The following XIRP2 variants were observed in gnomAD, a reference collection of about 807,000 sequenced individuals.
XIRP2 encodes xin actin binding repeat containing 2.
XIRP2 carries 236 observed loss-of-function variants against 277.0 expected under a neutral mutation model. That is an observed-to-expected ratio of 0.85 (90% CI 0.77 to 0.95). The LOEUF is 0.95. Among genes scored for constraint, XIRP2 ranks in the 40% least tolerant of loss-of-function variants. The pLI is 0.00. For missense variants in XIRP2, 4,640 were observed against 4,157.5 expected (o/e 1.12, Z -3.19); for synonymous variants, 1,490 against 1,416.5 (o/e 1.05, Z -1.17).
rs377138733 is a variant in XIRP2, at chr2:167,244,035, A to G, written c.2643A>G (p.Thr881=). ...AAACTACTAAGCATCTATTTGAAAC[A>G]CTTCCAATTGAAGCATTAAAAGACA... ...DVQTTKHLFE[T]LPIEALKDSP... is the part of the protein sequence containing the mutation. The change falls in exon 9 of 11, where the codon ACA becomes ACG. Residue 881 remains threonine, a synonymous_variant. Transcript: ENST00000409195. The G allele has an allele frequency of 2.2e-5, 35 of 1,613,848 alleles. 1 individual carries two copies. Among genetic ancestry groups the G allele is most frequent in the Non-Finnish European group, 2.5e-5 (30 of 1,179,932 alleles).
intron 2 of XIRP2, among the ~76,000 whole-genome samples, chr2:167,065,597 A>T (rs532318436): frequency 1.3e-5 from 2 of 151,864 alleles, no homozygotes; most frequent in South Asian, 4.2e-4. Context: ...TTATTGCTAA[A>T]TCCATTATCT....
chr2:167,132,375 T>C lies in XIRP2; in HGVS notation c.409-3534T>C, dbSNP rs561311993. Among the ~76,000 whole-genome samples the C allele has an allele frequency of 1.6e-3, 238 of 152,254 alleles. 2 individuals carry two copies. The highest frequency in any genetic ancestry group is 2.8e-3 in the Non-Finnish European group (192 of 68,014). The stretch of plus-strand genomic sequence containing the variant: ...CAGGAAGGCTGCCAAACATCCTACC[T>C]GCACAGAATAAGGCTCTAATAACAA... On this transcript the variant is annotated intron_variant, in intron 2 of 10. Coordinates refer to ENST00000409195, the MANE Select transcript of XIRP2 (RefSeq NM_152381.6).
chr2:167,072,622 C>A (rs189078651), intron 2 of XIRP2, among the ~76,000 whole-genome samples: 22 of 152,274 alleles, frequency 1.4e-4, no homozygotes, highest in African/African-American at 5.1e-4. Flanking sequence ...TCAATAAATA[C>A]TTCATTTGAA....
At chr2:167,225,626 C>T (rs566262486) in intron 5 of XIRP2, among the ~76,000 whole-genome samples, 12 of 152,190 alleles carry the variant, frequency 7.9e-5, no homozygotes, top group African/African-American at 2.6e-4. Context: ...ACTCATGAAC[C>T]TTCCACAGGC....
At chr2:167,076,573 T>A (rs1689579022) in intron 2 of XIRP2, among the ~76,000 whole-genome samples, 1 of 152,218 alleles carries the variant, frequency 6.6e-6, no homozygotes, top group Non-Finnish European at 1.5e-5. Flanking sequence ...GAGGTCCATA[T>A]ATTCTTCCTT....
intron 1 of XIRP2, among the ~76,000 whole-genome samples, chr2:166,895,594 G>A (rs566815608): frequency 1.4e-5 from 2 of 143,508 alleles, no homozygotes; most frequent in Non-Finnish European, 3.2e-5. Flanking sequence ...TTTGCAGCAG[G>A]GTCACTGCCT....
intron 10 of XIRP2, 128 bp from the exon 11 acceptor site, chr2:167,257,729 A>G (rs773734417): frequency 1.1e-4 from 92 of 838,576 alleles, no homozygotes; most frequent in Non-Finnish European, 1.6e-4. Flanking sequence ...ATGTTCAACT[A>G]ATAGGGCCAT....
intron 4 of XIRP2, among the ~76,000 whole-genome samples, chr2:167,216,056 T>C (rs909829524): frequency 6.9e-6 from 1 of 145,910 alleles, no homozygotes; most frequent in Non-Finnish European, 1.5e-5. Flanking sequence ...TAATAAATGG[T>C]GCTGGGAAAA....
Position 167,254,059 on chromosome 2 carries a change from T to G in XIRP2, c.10583T>G (p.Met3528Arg). Reference protein sequence around the residue: ...SEAAAPRQGNMYTLSKDSLSN... With the variant: ...SEAAAPRQGNRYTLSKDSLSN... ...GCTGCTGCTCCAAGACAAGGAAATA[T>G]GTATACTTTGTCAAAAGACAGTTTA... Residue 3528 changes from methionine to arginine, a missense_variant, in exon 10 of 11, where the codon ATG becomes AGG. Coordinates refer to ENST00000409195, the MANE Select transcript of XIRP2 (RefSeq NM_152381.6). 1 of 1,603,434 alleles carries G rather than the reference T, an allele frequency of 6.2e-7. No homozygotes were observed. Among genetic ancestry groups the G allele is most frequent in the East Asian group, 2.2e-5 (1 of 44,490 alleles).
intron 2 of XIRP2, among the ~76,000 whole-genome samples, chr2:166,929,473 G>C (rs4589775): frequency 0.31 from 47,554 of 151,898 alleles, 7,962 homozygotes; most frequent in East Asian, 0.53. Flanking sequence ...GCCTCTACTT[G>C]TTTCTCCTTT....
intron 2 of XIRP2, among the ~76,000 whole-genome samples, chr2:166,930,947 T>C (rs1685318786): frequency 6.6e-6 from 1 of 152,128 alleles, no homozygotes; most frequent in African/African-American, 2.4e-5. Flanking sequence ...TATGTACAAA[T>C]ATGATTGCTA....
intron 2 of XIRP2, among the ~76,000 whole-genome samples, chr2:167,098,107 T>C (rs1008196909): frequency 3.3e-5 from 5 of 152,220 alleles, no homozygotes; most frequent in Admixed American, 3.3e-4. Flanking sequence ...CTTGCTAGGT[T>C]GGGGAGGTTC....
At chr2:167,223,401 T>C (rs895071995) in intron 5 of XIRP2, among the ~76,000 whole-genome samples, 2 of 152,200 alleles carry the variant, frequency 1.3e-5, no homozygotes, top group Admixed American at 6.5e-5. Flanking sequence ...TGACAGTATA[T>C]ATCTTTCCTC....
At position 167,250,137 on chromosome 2, in the gene XIRP2, T is replaced by C. The variant is rs774670500; in HGVS notation, c.8745T>C (p.Asp2915=). 2 of 1,613,170 alleles carry C rather than the reference T, an allele frequency of 1.2e-6. No individual in the cohort carries two copies. The highest frequency in any genetic ancestry group is 1.3e-5 in the African/African-American group (1 of 74,888). Residue 2915 remains aspartate (D), a synonymous_variant, in exon 9 of 11, where the codon GAT becomes GAC. Coordinates refer to ENST00000409195, the MANE Select transcript of XIRP2 (RefSeq NM_152381.6). ...QEKQVFSNTK[D]SKQEITQNKS... is the part of the protein sequence containing the mutation. ...AACAAGTCTTCTCTAATACTAAAGA[T>C]TCAAAGCAAGAGATTACACAGAACA...
chr2:167,023,791 A>T (rs558695925), intron 2 of XIRP2, among the ~76,000 whole-genome samples: 1 of 151,546 alleles, frequency 6.6e-6, no homozygotes, highest in African/African-American at 2.4e-5. Flanking sequence ...TTTCTGAGGG[A>T]TCTGTTCTGT....
rs1695321526 is a variant in XIRP2 at position 167,247,648 on chromosome 2, A to G, written c.6256A>G (p.Thr2086Ala). 1 of 1,613,622 alleles carries G rather than the reference A, an allele frequency of 6.2e-7. No homozygotes were observed. Among genetic ancestry groups the G allele is most frequent in the African/African-American group, 1.3e-5 (1 of 75,010 alleles). The change falls in exon 9 of 11, where the codon ACT becomes GCT. Residue 2086 changes from threonine (T) to alanine (A), a missense_variant. Transcript: ENST00000409195. The part of the protein sequence containing the change: ...DEYMSRQLTS[T>A]VSVKNNLTTK... ...ATATATGAGCAGACAATTAACTTCAACTGTGTCAGTTAAGAATAATCTAAC... is the reference window on the plus strand; with the variant it reads ...ATATATGAGCAGACAATTAACTTCAGCTGTGTCAGTTAAGAATAATCTAAC...
chr2:167,057,151 A>G (rs1314436571), intron 2 of XIRP2, among the ~76,000 whole-genome samples: 1 of 152,152 alleles, frequency 6.6e-6, no homozygotes, highest in Non-Finnish European at 1.5e-5. Flanking sequence ...CATCATCATC[A>G]TCGTCATCTA....
intron 2 of XIRP2, among the ~76,000 whole-genome samples, chr2:166,952,863 T>G (rs942057367): frequency 6.6e-6 from 1 of 151,730 alleles, no homozygotes; most frequent in African/African-American, 2.4e-5. Flanking sequence ...CCAGTGTAGA[T>G]TGATGGAAAA....
intron 3 of XIRP2, among the ~76,000 whole-genome samples, chr2:167,160,970 A>T (rs1262075057): frequency 6.6e-6 from 1 of 152,196 alleles, no homozygotes; most frequent in Non-Finnish European, 1.5e-5. Flanking sequence ...CACCATTCCA[A>T]ATAAGAGAAA....
Sources: gnomAD v4.1 joint callset for allele counts (sites outside exome capture counted in the v4.1 genomes callset) on GRCh38, gnomAD v4.1.1 for gene constraint, MANE v1.5 for transcripts, NCBI Gene and HGNC (gene_info 2026-07-23, HGNC 2026-07-21) for gene names.